Variants in KTN1 observed in about 807,000 individuals in gnomAD.
KTN1 encodes kinectin.
Under a neutral mutation model 222.5 loss-of-function variants are expected in KTN1, and 130 were observed. The observed-to-expected ratio is 0.58, with a 90% CI of 0.51 to 0.68. The LOEUF is 0.68. Among genes scored for constraint, KTN1 ranks in the 30% least tolerant of loss-of-function variants. The pLI is 0.00. For synonymous variants in KTN1, 512 were observed against 496.3 expected, an observed-to-expected ratio of 1.03 and a Z score of -0.42; for missense variants, 1,508 against 1,500.4, an observed-to-expected ratio of 1.01 and a Z score of -0.08.
intron 41 of KTN1, among the ~76,000 whole-genome samples, chr14:55,676,766 A>AT (rs954256807): frequency 1.3e-3 from 196 of 151,894 alleles, no homozygotes; most frequent in African/African-American, 4.4e-3. Context: ...GTTGAAAGAA[A>AT]TTTTTTTTTG....
At chr14:55,684,032 A>G (rs934715998) in intron 43 of KTN1, 67 bp from the exon 44 acceptor site, 14 of 1,437,414 alleles carry the variant, frequency 9.7e-6, no homozygotes, top group South Asian at 2.4e-5. Flanking sequence ...GTGTTTGACA[A>G]ATGTCTTCTG....
intron 1 of KTN1, among the ~76,000 whole-genome samples, chr14:55,607,709 G>GTTAAAGAGGTAACTAATA (rs1285080041): frequency 6.6e-6 from 1 of 152,146 alleles, no homozygotes; most frequent in Non-Finnish European, 1.5e-5. Context: ...GTGTGATGAG[G>GTTAAAGAGGTAACTAATA]TTAAAGAGGT....
At chr14:55,600,256 A>G (rs1371499158) in intron 1 of KTN1, among the ~76,000 whole-genome samples, 2 of 151,922 alleles carry the variant, frequency 1.3e-5, no homozygotes, top group African/African-American at 4.8e-5. Context: ...TTAACCCATT[A>G]TGTTCAACTT....
chr14:55,647,759 A>G (rs1383619774), intron 19 of KTN1, among the ~76,000 whole-genome samples: 2 of 151,160 alleles, frequency 1.3e-5, no homozygotes, highest in East Asian at 1.9e-4. Flanking sequence ...CCTGGCTAAC[A>G]TGGTGAAACC....
chr14:55,622,959 C>T (rs558989797), intron 5 of KTN1, among the ~76,000 whole-genome samples: 2 of 152,296 alleles, frequency 1.3e-5, no homozygotes, highest in South Asian at 4.1e-4. Flanking sequence ...GGAGTCTTCT[C>T]TGGTTCTTCT....
intron 8 of KTN1, 72 bp from the exon 9 acceptor site, chr14:55,634,454 A>G: frequency 7.2e-7 from 1 of 1,384,404 alleles, no homozygotes; most frequent in Non-Finnish European, 9.6e-7. Flanking sequence ...CAAAACTAAC[A>G]AAGTATGTTT....
Position 55,611,652 on chromosome 14 carries a change from TAGTTATCA to T in KTN1, c.-30-365_-30-358del. 2.0e-5 allele frequency among the ~76,000 whole-genome samples: 3 copies of T among 152,284 alleles called. No homozygotes were observed. The East Asian group carries it at 5.8e-4, about 29-fold the overall frequency. ...AGTACCTCCTTATTTTCACGTGTAG[TAGTTATCA>T]ACACTGTACAATAAACAAAAAAGTT... On this transcript the variant is annotated intron_variant, in intron 1 of 43. Transcript: ENST00000395314.
At chr14:55,661,309 C>A in intron 31 of KTN1, 1 of 423,542 alleles carries the variant, frequency 2.4e-6, no homozygotes, top group Non-Finnish European at 4.2e-6. Flanking sequence ...CTGAGCATAC[C>A]ATATTAGGCA....
chr14:55,616,526 A>G lies in KTN1; in HGVS notation c.533A>G (p.Asp178Gly). ...KKSKNGSDDQ[D>G]KKVETLMVPS... ...TTTGTGTTTAATAAAGATGACCAGGATAAAAAGGTGGAAACTCTCATGGTA... is the reference window on the plus strand; with the variant it reads ...TTTGTGTTTAATAAAGATGACCAGGGTAAAAAGGTGGAAACTCTCATGGTA... The change falls in exon 3 of 44, where the codon GAT becomes GGT. Residue 178 changes from aspartate to glycine, a missense_variant. Transcript: ENST00000395314. The G allele has an allele frequency of 6.3e-7, 1 of 1,583,026 alleles. No individual in the cohort carries two copies. The highest frequency in any genetic ancestry group is 8.5e-7 in the Non-Finnish European group (1 of 1,172,050).
At chr14:55,662,917 A>G in intron 32 of KTN1, 1 of 456,060 alleles carries the variant, frequency 2.2e-6, no homozygotes, top group Non-Finnish European at 4.4e-6. Flanking sequence ...GGGCATGGTA[A>G]TGCAGCAGCA....
At chr14:55,607,837 T>C (rs2036961261) in intron 1 of KTN1, among the ~76,000 whole-genome samples, 1 of 152,170 alleles carries the variant, frequency 6.6e-6, no homozygotes, top group African/African-American at 2.4e-5. Flanking sequence ...TGCGCTATCA[T>C]AGGGATTGTG....
At chr14:55,647,206 TA>T (rs1255291920) in intron 19 of KTN1, among the ~76,000 whole-genome samples, 199 bp downstream of exon 19, 1 of 152,206 alleles carries the variant, frequency 6.6e-6, no homozygotes. Flanking sequence ...AAGAATGAAT[TA>T]CTTGAGTACA....
At chr14:55,663,062 CTTGAGCTGTG>C (rs1410953921) in intron 32 of KTN1, 4 of 438,504 alleles carry the variant, frequency 9.1e-6, no homozygotes, top group Non-Finnish European at 1.4e-5. Flanking sequence ...TCCTAACTTA[CTTGAGCTGTG>C]GTTTCCCTAT....
At position 55,600,185 on chromosome 14, in the gene KTN1, T is replaced by G. The variant is rs185041110; in HGVS notation, c.-30-11834T>G. The stretch of plus-strand genomic sequence containing the variant: ...CTAAAACATCTGATCATTTTAGTAC[T>G]TCCATTGTTGAGTGACCTAAGGTGA... On this transcript the variant is annotated intron_variant, in intron 1 of 43. Coordinates refer to ENST00000395314, the MANE Select transcript of KTN1 (RefSeq NM_001079521.2). 2.6e-3 allele frequency among the ~76,000 whole-genome samples: 395 copies of G among 151,330 alleles called. 3 individuals carry two copies. The highest frequency in any genetic ancestry group is 2.5e-3 in the Non-Finnish European group (166 of 67,716).
At chr14:55,674,809 T>C (rs1295506232) in intron 40 of KTN1, 1 of 152,184 alleles carries the variant, frequency 6.6e-6, no homozygotes, top group Non-Finnish European at 1.5e-5. Context: ...GTTTGGGATC[T>C]TTATTTTAAT....
chr14:55,636,286 GA>G (rs2041117253), intron 9 of KTN1, among the ~76,000 whole-genome samples, 162 bp from the exon 10 acceptor site: 2 of 152,300 alleles, frequency 1.3e-5, no homozygotes, highest in South Asian at 4.1e-4. Context: ...ATGGCTTTTA[GA>G]CTGTGTGTAT....
chr14:55,680,692 C>G (rs140045533), intron 43 of KTN1: 158 of 1,366,154 alleles, frequency 1.2e-4, no homozygotes, highest in Non-Finnish European at 1.5e-4. Flanking sequence ...TTAGAGTGAT[C>G]ATCCTCTGGC....
intron 1 of KTN1, among the ~76,000 whole-genome samples, chr14:55,606,171 A>G (rs2036698972): frequency 6.6e-6 from 1 of 152,152 alleles, no homozygotes; most frequent in Admixed American, 6.5e-5. Flanking sequence ...TACTTCTGTA[A>G]TATTTTAACT....
chr14:55,612,115 CTCT>C lies in KTN1; in HGVS notation c.74_76del (p.Phe25del), dbSNP rs773833142. The stretch of plus-strand genomic sequence containing the variant: ...TTCAATAGTTATTACAGTAATTTTC[CTCT>C]TCTTCTGGCTTTTCATGAAAGAAAC... On this transcript the variant is annotated inframe_deletion, in exon 2 of 44. Coordinates refer to ENST00000395314, the MANE Select transcript of KTN1 (RefSeq NM_001079521.2). 181 of 1,554,068 alleles carry C rather than the reference CTCT, an allele frequency of 1.2e-4. No individual in the cohort carries two copies. Among genetic ancestry groups the C allele is most frequent in the Non-Finnish European group, 1.5e-4 (171 of 1,157,996 alleles).
Sources: allele counts gnomAD v4.1 joint callset (sites outside exome capture counted in the v4.1 genomes callset), GRCh38; gene constraint gnomAD v4.1.1; transcripts MANE v1.5; gene names NCBI Gene and HGNC (gene_info 2026-07-23, HGNC 2026-07-21).